Variants in CACNA1S observed in about 807,000 individuals in gnomAD.
CACNA1S encodes voltage-dependent L-type calcium channel subunit alpha-1S.
A neutral mutation model predicts 207.4 loss-of-function variants in CACNA1S; 126 were observed. The ratio of observed to expected loss-of-function variants is 0.61; its 90% confidence interval spans 0.53 to 0.70. The LOEUF is 0.70. Among genes scored for constraint, CACNA1S ranks in the 30% least tolerant of loss-of-function variants. CACNA1S has a pLI of 0.00. For synonymous variants in CACNA1S, 960 were observed against 932.7 expected, an observed-to-expected ratio of 1.03 and a Z score of -0.53; for missense variants, 2,349 against 2,422.8, an observed-to-expected ratio of 0.97 and a Z score of 0.64.
intron 19 of CACNA1S, among the ~76,000 whole-genome samples, chr1:201,068,409 A>C (rs1661327059): frequency 6.7e-6 from 1 of 149,770 alleles, no homozygotes; most frequent in Admixed American, 6.6e-5. Context: ...TGCCTGCCTA[A>C]TTTTTGTACT....
intron 28 of CACNA1S, 33 bp downstream of exon 28, chr1:201,058,375 C>T: frequency 1.3e-6 from 2 of 1,580,960 alleles, no homozygotes; most frequent in Non-Finnish European, 1.7e-6. Flanking sequence ...CTTGGGCCCA[C>T]CCTAGTGATG....
In CACNA1S at chr1:201,083,270, C is replaced by G. The variant is rs750807406; in HGVS notation, c.1285G>C (p.Val429Leu). 6.2e-7 allele frequency: 1 copy of G among 1,614,182 alleles called. No individual in the cohort carries two copies. The highest frequency in any genetic ancestry group is 2.2e-5 in the East Asian group (1 of 44,882). ...RIFRWKCHDI[V>L]KSKVFYWLVI... The stretch of plus-strand genomic sequence containing the variant: ...AGCCAATAGAAGACCTTGGACTTCA[C>G]GATGTCATGGCACTTCCAGCGAAAG... The change falls in exon 10 of 44, where the codon GTG becomes CTG. Residue 429 changes from valine to leucine, a missense_variant. Transcript: ENST00000362061.
In CACNA1S at chr1:201,061,527, G is replaced by T. The variant is rs1293330403; in HGVS notation, c.3054-59C>A. ...GTGGGGTGACAAGGCAGAGAGTCAG[G>T]CTGGGAAGGATGGGCTTTATCCCAC... On this transcript the variant is annotated intron_variant, in intron 24 of 43. Coordinates refer to ENST00000362061, the MANE Select transcript of CACNA1S (RefSeq NM_000069.3). 11 of 1,523,448 alleles carry T rather than the reference G, an allele frequency of 7.2e-6. No individual in the cohort carries two copies. The East Asian group carries it at 2.3e-4, about 31-fold the overall frequency. 94.4% of individuals were successfully genotyped at this position (1,523,448 alleles called of 1,614,324 possible). A position where few individuals can be genotyped will look rare whatever the true frequency, so the allele number is the denominator to read the frequency against.
rs771706267 is a variant in CACNA1S, at chr1:201,110,214, C to G, written c.208G>C (p.Val70Leu). The G allele has an allele frequency of 6.2e-7, 1 of 1,614,186 alleles. No homozygotes were observed. Among genetic ancestry groups the G allele is most frequent in the Non-Finnish European group, 8.5e-7 (1 of 1,180,010 alleles). ...TCATCTTCCGGCATGGGCAGGTACA[C>G]GGCCAGGGCCACACAATTGGCAAAG... ...TIFANCVALA[V>L]YLPMPEDDNN... The change falls in exon 2 of 44, where the codon GTG becomes CTG. Residue 70 changes from valine (V) to leucine (L), a missense_variant. By Grantham distance (32) the Val-to-Leu change is conservative. Coordinates refer to ENST00000362061, the MANE Select transcript of CACNA1S (RefSeq NM_000069.3).
chr1:201,092,053 T>C lies in CACNA1S; in HGVS notation c.460A>G (p.Ser154Gly), dbSNP rs761768992. 88 of 1,613,962 alleles carry C rather than the reference T, an allele frequency of 5.5e-5. 3 individuals are homozygous for C. In the South Asian group the frequency reaches 9.2e-4, roughly 17 times the overall value. ...VIQSHTAPMS[S>G]KGAGLDVKAL... Reference sequence around the variant, plus strand: ...TTGACATCCAAGCCGGCTCCTTTGCTGCTCATTGGGGCTGTGTGGCTTTGG... The same window carrying C: ...TTGACATCCAAGCCGGCTCCTTTGCCGCTCATTGGGGCTGTGTGGCTTTGG... Residue 154 changes from serine to glycine, a missense_variant, in exon 4 of 44, where the codon AGC (serine) becomes GGC (glycine). Ser to Gly is a moderately conservative substitution (Grantham distance 56). Transcript: ENST00000362061.
In CACNA1S at chr1:201,039,989, G is replaced by A; in HGVS notation, c.5464C>T (p.Pro1822Ser). 6 of 1,614,238 alleles carry A rather than the reference G, an allele frequency of 3.7e-6. No homozygotes were observed. In the Middle Eastern group the frequency reaches 4.9e-4, roughly 133 times the overall value. The change falls in exon 44 of 44, where the codon CCA becomes TCA. Residue 1822 changes from proline (P) to serine (S), a missense_variant. Pro to Ser is a moderately conservative substitution (Grantham distance 74, BLOSUM62 -1). Transcript: ENST00000362061. ...QALADACQME[P>S]EEVEIMATEL... ...GTTGCCATGATCTCCACTTCCTCTG[G>A]TTCCATTTGGCAGGCATCTGCCAGG...
chr1:201,083,902 C>G (rs776804995), intron 9 of CACNA1S, among the ~76,000 whole-genome samples: 3 of 152,198 alleles, frequency 2.0e-5, no homozygotes, highest in Non-Finnish European at 4.4e-5. Flanking sequence ...TAGCTATACC[C>G]TTTGACCCAG....
Position 201,083,151 on chromosome 1 carries a change from T to C in CACNA1S, c.1393+11A>G, listed in dbSNP as rs753604199. The C allele has an allele frequency of 7.4e-6, 12 of 1,613,440 alleles. No individual in the cohort carries two copies. Among genetic ancestry groups the C allele is most frequent in the Non-Finnish European group, 1.0e-5 (12 of 1,179,976 alleles). The stretch of plus-strand genomic sequence containing the variant: ...GTGCCCTCCTCCCGGCTTCACTCCG[T>C]TCCGCCTCACCTTGCAAACGGGTCA... On this transcript the variant is annotated intron_variant, in intron 10 of 43. Transcript: ENST00000362061.
intron 25 of CACNA1S, 110 bp downstream of exon 25, chr1:201,061,157 A>G: frequency 1.1e-6 from 1 of 921,930 alleles, no homozygotes; most frequent in Non-Finnish European, 1.7e-6. Context: ...CATCAAATGC[A>G]GGTTCTGGGG....
In CACNA1S at chr1:201,067,482, A is replaced by G. The variant is rs147096855; in HGVS notation, c.2551-489T>C. Among the ~76,000 whole-genome samples the G allele has an allele frequency of 2.6e-5, 4 of 152,240 alleles. No individual in the cohort carries two copies. The East Asian group carries it at 7.7e-4, about 29-fold the overall frequency. On this transcript the variant is annotated intron_variant, in intron 19 of 43. Transcript: ENST00000362061. ...TTGCTCCCCTCTCAGCTTCTTTGAT[A>G]TATTCTCTAATAATCTCCCATGCCT... is the stretch of plus-strand genomic sequence containing the variant.
intron 11 of CACNA1S, 139 bp from the exon 12 acceptor site, chr1:201,077,266 G>C (rs1224847339): frequency 1.4e-6 from 1 of 710,546 alleles, no homozygotes; most frequent in African/African-American, 1.8e-5. Flanking sequence ...GAAGACCCTG[G>C]ATTCATGGCT....
chr1:201,042,723 T>G, intron 40 of CACNA1S: 1 of 158,038 alleles, frequency 6.3e-6, no homozygotes, highest in South Asian at 1.9e-4. Flanking sequence ...CGAAGAGGCC[T>G]CCAATCAGCT....
chr1:201,051,394 G>A (rs758318556), intron 32 of CACNA1S, among the ~76,000 whole-genome samples: 3 of 152,180 alleles, frequency 2.0e-5, no homozygotes, highest in Non-Finnish European at 2.9e-5. Flanking sequence ...AAATCAATCT[G>A]ATTCAAGTTA....
intron 2 of CACNA1S, among the ~76,000 whole-genome samples, chr1:201,100,074 C>A (rs1017623749): frequency 6.6e-6 from 1 of 152,208 alleles, no homozygotes; most frequent in African/African-American, 2.4e-5. Flanking sequence ...ATTCCCCAGG[C>A]AGGCGGGATA....
At position 201,112,174 on chromosome 1, in the gene CACNA1S, G is replaced by A. The variant is rs201285556; in HGVS notation, c.152+14C>T. 3.0e-5 allele frequency: 49 copies of A among 1,610,442 alleles called. 1 individual carries two copies. Among genetic ancestry groups the A allele is most frequent in the South Asian group, 2.5e-4 (23 of 91,012 alleles). Reference sequence around the variant, plus strand: ...ACGCACACCCCCCCCCACGGCCCGGGCCCTGAAGGATACTTCCATTCTACA... The same window carrying A: ...ACGCACACCCCCCCCCACGGCCCGGACCCTGAAGGATACTTCCATTCTACA... On this transcript the variant is annotated intron_variant, in intron 1 of 43. Transcript: ENST00000362061.
rs772226819 is a variant in CACNA1S, at chr1:201,091,993, G to A, written c.520C>T (p.Arg174Trp). Reference sequence around the variant, plus strand: ...CCACTAGGCACCCCCGACACCAGCCGGAGGGGTCTGAGCACTCGGAAGGCT... The same window carrying A: ...CCACTAGGCACCCCCGACACCAGCCAGAGGGGTCTGAGCACTCGGAAGGCT... ...LRAFRVLRPL[R>W]LVSGVPSLQV... The change falls in exon 4 of 44, where the codon CGG becomes TGG. Residue 174 changes from arginine to tryptophan, a missense_variant. Physicochemically the swap from Arg to Trp is moderately radical, Grantham distance 101 (BLOSUM62 -3). Coordinates refer to ENST00000362061, the MANE Select transcript of CACNA1S (RefSeq NM_000069.3). 1.9e-5 allele frequency: 30 copies of A among 1,614,012 alleles called. No homozygotes were observed. In the East Asian group the frequency reaches 4.9e-4, roughly 26 times the overall value.
rs768208345 is a variant in CACNA1S, at chr1:201,061,487, G to T, written c.3054-19C>A. The T allele has an allele frequency of 1.8e-5, 29 of 1,610,562 alleles. No individual in the cohort carries two copies. The highest frequency in any genetic ancestry group is 1.2e-5 in the Non-Finnish European group (14 of 1,177,366). On this transcript the variant is annotated intron_variant, in intron 24 of 43. Coordinates refer to ENST00000362061, the MANE Select transcript of CACNA1S (RefSeq NM_000069.3). ...CAGCAGCCTGGGGGTGGGCAGAGAA[G>T]AGAGGACAGACTGGGTGGGGTGACA...
At chr1:201,075,182 CA>C (rs1318896370) in intron 13 of CACNA1S, among the ~76,000 whole-genome samples, 1 of 152,188 alleles carries the variant, frequency 6.6e-6, no homozygotes, top group East Asian at 1.9e-4. Flanking sequence ...GCTGTCCCAC[CA>C]TCTTCATGTT....
At chr1:201,052,112 C>T (rs1184803010) in intron 32 of CACNA1S, among the ~76,000 whole-genome samples, 2 of 152,222 alleles carry the variant, frequency 1.3e-5, no homozygotes, top group Non-Finnish European at 2.9e-5. Context: ...GCAATCCAAG[C>T]TCTAGCTCCT....
Sources: gnomAD v4.1 joint callset for allele counts (sites outside exome capture counted in the v4.1 genomes callset) on GRCh38, gnomAD v4.1.1 for gene constraint, MANE v1.5 for transcripts, NCBI Gene and HGNC (gene_info 2026-07-23, HGNC 2026-07-21) for gene names.